Variants in RNF24 observed in about 807,000 individuals in gnomAD.
RNF24 encodes the protein ring finger protein 24.
In RNF24, 14 loss-of-function variants were observed where a neutral mutation model predicts 20.0. The ratio of observed to expected loss-of-function variants is 0.70; its 90% CI spans 0.46 to 1.10. The LOEUF is 1.10. Ranked by LOEUF, RNF24 falls within the 50% of genes least tolerant of loss-of-function variation. The probability of loss-of-function intolerance (pLI) is 0.00; values close to 1 mark genes in which losing one functional copy is unlikely to be tolerated. For missense variants in RNF24, 124 were observed against 177.6 expected (o/e 0.70, Z 1.71); for synonymous variants, 45 against 61.1 (o/e 0.74, Z 1.23).
At chr20:3,982,026 G>C (rs1979431102) in intron 1 of RNF24, among the ~76,000 whole-genome samples, 1 of 151,718 alleles carries the variant, frequency 6.6e-6, no homozygotes, top group African/African-American at 2.4e-5. Flanking sequence ...GGTGAGGTGG[G>C]AGGATCACCT....
chr20:3,936,591 T>C (rs1434488086), intron 4 of RNF24, among the ~76,000 whole-genome samples: 2 of 152,208 alleles, frequency 1.3e-5, no homozygotes, highest in Non-Finnish European at 2.9e-5. Context: ...CCTAGTGGTA[T>C]CTTTTTGGGC....
intron 1 of RNF24, among the ~76,000 whole-genome samples, chr20:3,977,009 A>T (rs985103850): frequency 6.6e-6 from 1 of 152,194 alleles, no homozygotes; most frequent in Non-Finnish European, 1.5e-5. Flanking sequence ...ATTTTAATTA[A>T]AAAATATACA....
chr20:3,930,905 C>T lies in RNF24; in HGVS notation c.*3158G>A, dbSNP rs1012104707. On this transcript the variant is annotated 3_prime_UTR_variant, in exon 6 of 6. Coordinates refer to ENST00000358395, the MANE Select transcript of RNF24 (RefSeq NM_001134337.3). ...CTCAGACCTTCCCAGGGGCCACCTG[C>T]CCCTATTTGGCCATTTCTGTCCTGC... 13 of 152,248 alleles carry T rather than the reference C, an allele frequency of 8.5e-5. No homozygotes were observed. The highest frequency in any genetic ancestry group is 2.9e-4 in the African/African-American group (12 of 41,444). The allele number at this position is 152,248 out of a possible 1,614,324, so 9.4% of individuals were successfully genotyped here. A position where few individuals can be genotyped will look rare whatever the true frequency, so the allele number is the denominator to read the frequency against.
At chr20:3,953,310 C>A (rs2091103450) in intron 2 of RNF24, among the ~76,000 whole-genome samples, 1 of 151,822 alleles carries the variant, frequency 6.6e-6, no homozygotes, top group Non-Finnish European at 1.5e-5. Context: ...CGCCACCACG[C>A]CCGGCTAATT....
chr20:4,012,519 G>A (rs1487773088), intron 1 of RNF24, among the ~76,000 whole-genome samples: 2 of 152,058 alleles, frequency 1.3e-5, no homozygotes, highest in Non-Finnish European at 2.9e-5. Context: ...ACATTACTGG[G>A]AGGATAATAG....
At chr20:3,954,932 A>G (rs941332186) in intron 2 of RNF24, among the ~76,000 whole-genome samples, 50 of 151,898 alleles carry the variant, frequency 3.3e-4, no homozygotes, top group African/African-American at 1.1e-3. Flanking sequence ...TTGAAGATCC[A>G]CCAAACTCTT....
chr20:3,940,025 C>T (rs1203720409), intron 4 of RNF24, among the ~76,000 whole-genome samples: 1 of 151,738 alleles, frequency 6.6e-6, no homozygotes, highest in Admixed American at 6.6e-5. Flanking sequence ...ATGGTGTGAT[C>T]TCAGCTCACC....
At chr20:3,970,196 G>T (rs1451720000) in intron 1 of RNF24, among the ~76,000 whole-genome samples, 1 of 152,118 alleles carries the variant, frequency 6.6e-6, no homozygotes, top group Non-Finnish European at 1.5e-5. Context: ...AGCCAAAGAG[G>T]TATCAGTGAA....
At chr20:3,997,397 A>G (rs1395435744) in intron 1 of RNF24, among the ~76,000 whole-genome samples, 1 of 151,880 alleles carries the variant, frequency 6.6e-6, no homozygotes, top group Non-Finnish European at 1.5e-5. Context: ...ATAACAGATC[A>G]TGGATTCTAA....
rs2090741664 is a variant in RNF24, at chr20:3,927,561, GA to G, written c.*6501del. ...AGGGAGTTACACAATACCTAGTGAG[GA>G]AACCCGAGGGCCAAACTACAAGACG... On this transcript the variant is annotated 3_prime_UTR_variant, in exon 6 of 6. Coordinates refer to ENST00000358395, the MANE Select transcript of RNF24 (RefSeq NM_001134337.3). The G allele has an allele frequency of 6.6e-6, 1 of 152,096 alleles. No homozygotes were observed. The highest frequency in any genetic ancestry group is 1.5e-5 in the Non-Finnish European group (1 of 68,028). The allele number at this position is 152,096 out of a possible 1,614,324, so 9.4% of individuals were successfully genotyped here.
At chr20:3,991,679 GA>G (rs1387882940) in intron 1 of RNF24, among the ~76,000 whole-genome samples, 1 of 152,016 alleles carries the variant, frequency 6.6e-6, no homozygotes, top group Non-Finnish European at 1.5e-5. Context: ...ATGTAGTGAG[GA>G]AAAATTATCA....
At chr20:3,965,125 A>T (rs990708014) in intron 1 of RNF24, among the ~76,000 whole-genome samples, 1 of 152,184 alleles carries the variant, frequency 6.6e-6, no homozygotes, top group Non-Finnish European at 1.5e-5. Flanking sequence ...TGTCATTTTG[A>T]TTCCTTACAA....
intron 1 of RNF24, among the ~76,000 whole-genome samples, chr20:3,992,337 A>G (rs903414740): frequency 6.6e-6 from 1 of 152,228 alleles, no homozygotes; most frequent in Non-Finnish European, 1.5e-5. Context: ...AGGAAGAATA[A>G]TAATTACAAT....
In RNF24 at chr20:4,005,727, AT is replaced by A. The variant is rs891332219; in HGVS notation, c.-8+9709del. On this transcript the variant is annotated intron_variant, in intron 1 of 5. Transcript: ENST00000358395. ...CAATAAAGAGATACAGGTAGCTATAATTTTTTTTTGGTTTGCCAAGATGAAC... is the reference window on the plus strand; with the variant it reads ...CAATAAAGAGATACAGGTAGCTATAATTTTTTTTGGTTTGCCAAGATGAAC... Among the ~76,000 whole-genome samples, 143 of 151,570 alleles carry A rather than the reference AT, an allele frequency of 9.4e-4. 1 individual carries two copies. Among genetic ancestry groups the A allele is most frequent in the African/African-American group, 3.2e-3 (133 of 41,366 alleles).
At chr20:4,012,844 T>C (rs2143235) in intron 1 of RNF24, among the ~76,000 whole-genome samples, 133,805 of 152,148 alleles carry the variant, frequency 0.88, 59,210 homozygotes, top group Non-Finnish European at 0.93. Flanking sequence ...CTGTGCAAGC[T>C]TATTTCAGTG....
In RNF24 at chr20:3,933,499, A is replaced by G. The variant is rs142708363; in HGVS notation, c.*564T>C. 653 of 253,618 alleles carry G rather than the reference A, an allele frequency of 2.6e-3. 8 individuals are homozygous for G. The highest frequency in any genetic ancestry group is 0.014 in the African/African-American group (614 of 45,188). 15.7% of individuals were successfully genotyped at this position (253,618 alleles called of 1,614,324 possible). A position where few individuals can be genotyped will look rare whatever the true frequency, so the allele number is the denominator to read the frequency against. On this transcript the variant is annotated 3_prime_UTR_variant, in exon 6 of 6. Transcript: ENST00000358395. The stretch of plus-strand genomic sequence containing the variant: ...TTTGATAGCAGGTGTTGTAATCCTG[A>G]GGGGGAAATGGGTGACGAGGAACAC...
intron 1 of RNF24, among the ~76,000 whole-genome samples, chr20:3,987,697 C>T (rs1353927430): frequency 6.6e-6 from 1 of 152,096 alleles, no homozygotes; most frequent in African/African-American, 2.4e-5. Flanking sequence ...ATAGAGGATT[C>T]GATGAGCCAC....
chr20:3,944,203 C>A, intron 4 of RNF24, among the ~76,000 whole-genome samples: 1 of 126,844 alleles, frequency 7.9e-6, no homozygotes, highest in Admixed American at 7.5e-5. Context: ...GAGTAAGACC[C>A]CGTCTCAAAA....
intron 4 of RNF24, among the ~76,000 whole-genome samples, chr20:3,944,952 G>A (rs2090999295): frequency 1.3e-5 from 2 of 152,180 alleles, no homozygotes; most frequent in Non-Finnish European, 2.9e-5. Context: ...CTACTGCTAT[G>A]AAATTTTATA....
Sources: allele counts gnomAD v4.1 joint callset (sites outside exome capture counted in the v4.1 genomes callset), GRCh38; gene constraint gnomAD v4.1.1; transcripts MANE v1.5; gene names NCBI Gene and HGNC (gene_info 2026-07-23, HGNC 2026-07-21).